UNC5D: variants seen among roughly 807,000 people sequenced by gnomAD.
UNC5D encodes unc-5 netrin receptor D, also known as netrin receptor UNC5D.
In UNC5D, 39 loss-of-function variants were observed where a neutral mutation model predicts 105.4. The observed-to-expected ratio is 0.37, with a 90% CI of 0.29 to 0.48. UNC5D has a LOEUF of 0.48. UNC5D is among the 20% of genes least tolerant of loss of function. The probability of loss-of-function intolerance (pLI) is 0.98; values close to 1 mark genes in which losing one functional copy is unlikely to be tolerated. For missense variants in UNC5D, 991 were observed against 1,202.4 expected, an observed-to-expected ratio of 0.82 and a Z score of 2.60; for synonymous variants, 452 against 450.4, an observed-to-expected ratio of 1.00 and a Z score of -0.04.
intron 1 of UNC5D, among the ~76,000 whole-genome samples, chr8:35,329,414 T>G (rs963804211): frequency 6.6e-6 from 1 of 151,050 alleles, no homozygotes; most frequent in Non-Finnish European, 1.5e-5. Context: ...TATATATATA[T>G]ATATATATAT....
chr8:35,341,233 A>T (rs1278427961), intron 1 of UNC5D, among the ~76,000 whole-genome samples: 5 of 152,094 alleles, frequency 3.3e-5, no homozygotes, highest in African/African-American at 9.7e-5. Flanking sequence ...AAATCCTCGA[A>T]ACTAATTATA....
chr8:35,667,476 T>A (rs1469597916), intron 4 of UNC5D, among the ~76,000 whole-genome samples: 1 of 152,292 alleles, frequency 6.6e-6, no homozygotes, highest in African/African-American at 2.4e-5. Context: ...TTTCTTCTAC[T>A]GACAACTAAC....
intron 1 of UNC5D, among the ~76,000 whole-genome samples, chr8:35,412,936 A>G (rs1805269241): frequency 6.6e-6 from 1 of 152,134 alleles, no homozygotes; most frequent in Admixed American, 6.6e-5. Context: ...ATGTAGGTCT[A>G]CAGAGGGAGT....
At chr8:35,445,566 A>G (rs1196750238) in intron 1 of UNC5D, among the ~76,000 whole-genome samples, 1 of 152,086 alleles carries the variant, frequency 6.6e-6, no homozygotes, top group African/African-American at 2.4e-5. Context: ...ACTAAAGCTC[A>G]GAGGTTAATT....
intron 15 of UNC5D, among the ~76,000 whole-genome samples, chr8:35,768,890 A>G (rs1346556721): frequency 6.6e-6 from 1 of 152,194 alleles, no homozygotes; most frequent in African/African-American, 2.4e-5. Context: ...TAGTCATCCA[A>G]TTTGAGGGCT....
chr8:35,603,106 C>G (rs1363520878), intron 4 of UNC5D, among the ~76,000 whole-genome samples: 1 of 151,976 alleles, frequency 6.6e-6, no homozygotes. Context: ...TGTGTTTGCT[C>G]TTGCTTCTCT....
Position 35,658,925 on chromosome 8 carries a change from G to C in UNC5D, c.571-24622G>C, listed in dbSNP as rs148219762. ...CGGCCTCGGCCTTCCAAAGCGCTGG[G>C]ATTACAAGCGTGAGCCACCGTGCCC... On this transcript the variant is annotated intron_variant, in intron 4 of 16. Coordinates refer to ENST00000404895, the MANE Select transcript of UNC5D (RefSeq NM_080872.4). Among the ~76,000 whole-genome samples, 471 of 152,232 alleles carry C rather than the reference G, an allele frequency of 3.1e-3. 3 individuals carry two copies. The highest frequency in any genetic ancestry group is 0.01 in the African/African-American group (427 of 41,532).
intron 1 of UNC5D, among the ~76,000 whole-genome samples, chr8:35,417,927 G>T (rs1206747401): frequency 6.6e-6 from 1 of 152,142 alleles, no homozygotes; most frequent in Non-Finnish European, 1.5e-5. Flanking sequence ...GAGGGGAGAT[G>T]ATGGGACTTC....
At chr8:35,330,963 C>T (rs1328370431) in intron 1 of UNC5D, among the ~76,000 whole-genome samples, 1 of 152,168 alleles carries the variant, frequency 6.6e-6, no homozygotes, top group African/African-American at 2.4e-5. Flanking sequence ...CATTTCCTTT[C>T]TTTTAAGTGC....
intron 1 of UNC5D, among the ~76,000 whole-genome samples, chr8:35,362,323 A>T (rs906222159): frequency 6.6e-6 from 1 of 152,164 alleles, no homozygotes; most frequent in African/African-American, 2.4e-5. Flanking sequence ...CTTTTTGCAA[A>T]TGCACTTCCT....
At chr8:35,670,712 A>T (rs1824732155) in intron 4 of UNC5D, among the ~76,000 whole-genome samples, 1 of 151,876 alleles carries the variant, frequency 6.6e-6, no homozygotes, top group South Asian at 2.1e-4. Context: ...TTGTTGGGGG[A>T]TGTGAGGGCA....
intron 4 of UNC5D, among the ~76,000 whole-genome samples, chr8:35,661,904 G>T (rs1824127345): frequency 6.6e-6 from 1 of 152,144 alleles, no homozygotes; most frequent in Admixed American, 6.5e-5. Flanking sequence ...ACCTGGGACT[G>T]TCCTGAGCAA....
rs186672841 is a variant in UNC5D at position 35,322,433 on chromosome 8, A to C, written c.103+86546A>C. On this transcript the variant is annotated intron_variant, in intron 1 of 16. Coordinates refer to ENST00000404895, the MANE Select transcript of UNC5D (RefSeq NM_080872.4). ...AAACACTTGTAAGTCTTCATTTTAC[A>C]AACTCACCTTTTTAGCTTCATTGGG... Among the ~76,000 whole-genome samples the C allele has an allele frequency of 2.0e-5, 3 of 152,158 alleles. No individual in the cohort carries two copies. In the East Asian group the frequency reaches 5.8e-4, roughly 29 times the overall value.
intron 1 of UNC5D, among the ~76,000 whole-genome samples, chr8:35,266,079 G>A (rs1804851719): frequency 6.6e-6 from 1 of 151,910 alleles, no homozygotes; most frequent in Non-Finnish European, 1.5e-5. Context: ...GTAAAAATAA[G>A]CCTCCAGAAC....
chr8:35,523,176 G>C (rs913810519), intron 1 of UNC5D, among the ~76,000 whole-genome samples: 16 of 150,364 alleles, frequency 1.1e-4, no homozygotes, highest in Non-Finnish European at 2.2e-4. Context: ...TCAATATCCA[G>C]GACCAAAGTG....
Position 35,522,954 on chromosome 8 carries a change from A to G in UNC5D, c.104-26338A>G, listed in dbSNP as rs186942160. ...AATAGCCTGATAACAGTATTTGCCA[A>G]TCAATGATTATCTTTGATATCTAAC... On this transcript the variant is annotated intron_variant, in intron 1 of 16. Transcript: ENST00000404895. 5.0e-3 allele frequency among the ~76,000 whole-genome samples: 756 copies of G among 152,320 alleles called. 2 individuals are homozygous for G. The highest frequency in any genetic ancestry group is 6.4e-3 in the Non-Finnish European group (434 of 68,030).
intron 1 of UNC5D, among the ~76,000 whole-genome samples, chr8:35,385,511 G>A (rs1297229990): frequency 1.4e-5 from 2 of 141,104 alleles, no homozygotes; most frequent in African/African-American, 5.3e-5. Flanking sequence ...TGTCGCCCAG[G>A]CTGGAGTGCA....
chr8:35,594,836 G>A (rs866069084), intron 3 of UNC5D, among the ~76,000 whole-genome samples: 4 of 152,140 alleles, frequency 2.6e-5, no homozygotes, highest in Admixed American at 6.6e-5. Flanking sequence ...TGTGACCACT[G>A]GCAAGCGAAT....
At chr8:35,668,566 T>C (rs914690729) in intron 4 of UNC5D, among the ~76,000 whole-genome samples, 1 of 152,114 alleles carries the variant, frequency 6.6e-6, no homozygotes, top group African/African-American at 2.4e-5. Context: ...GGTACTTTTG[T>C]GGTTGCACTT....
Sources: allele counts gnomAD v4.1 joint callset (sites outside exome capture counted in the v4.1 genomes callset), GRCh38; gene constraint gnomAD v4.1.1; transcripts MANE v1.5; gene names NCBI Gene and HGNC (gene_info 2026-07-23, HGNC 2026-07-21).